KATNIP: variants seen among roughly 807,000 people sequenced by gnomAD.
KATNIP encodes the protein katanin-interacting protein.
KATNIP carries 126 observed loss-of-function variants against 174.0 expected under a neutral mutation model. The ratio of observed to expected loss-of-function variants is 0.72; its 90% CI spans 0.63 to 0.84. The LOEUF (loss-of-function observed/expected upper bound fraction) is 0.84, where lower values mean the gene tolerates loss of function less well. KATNIP is among the 40% of genes least tolerant of loss of function. The pLI is 0.00. For synonymous variants in KATNIP, 810 were observed against 835.7 expected (o/e 0.97, Z 0.53); for missense variants, 1,958 against 2,109.7 (o/e 0.93, Z 1.41).
At chr16:27,612,084 C>T (rs1162095059) in intron 2 of KATNIP, among the ~76,000 whole-genome samples, 4 of 152,076 alleles carry the variant, frequency 2.6e-5, no homozygotes, top group African/African-American at 4.8e-5. Context: ...AGGTGGGACT[C>T]GGATGGTGCT....
intron 14 of KATNIP, among the ~76,000 whole-genome samples, chr16:27,733,754 G>A (rs1393391580): frequency 6.6e-6 from 1 of 152,168 alleles, no homozygotes; most frequent in Non-Finnish European, 1.5e-5. Context: ...AAGCAGGCTG[G>A]TTCTTGAGGA....
At chr16:27,738,122 A>G (rs2080965227) in intron 14 of KATNIP, among the ~76,000 whole-genome samples, 1 of 152,246 alleles carries the variant, frequency 6.6e-6, no homozygotes, top group Admixed American at 6.5e-5. Context: ...ATCAGTTCCC[A>G]TAACACAGGT....
At chr16:27,644,010 A>G (rs1473475929) in intron 5 of KATNIP, among the ~76,000 whole-genome samples, 1 of 142,508 alleles carries the variant, frequency 7.0e-6, no homozygotes, top group Non-Finnish European at 1.5e-5. Flanking sequence ...CATCTTCCAG[A>G]GACATAATCT....
At position 27,638,911 on chromosome 16, in the gene KATNIP, G is replaced by A. The variant is rs116982420; in HGVS notation, c.408+7749G>A. ...TGGTCTTGAACTCCCGGGCTCATGC[G>A]ATCCACCCACCTTGGCCTCCTAAAG... On this transcript the variant is annotated intron_variant, in intron 5 of 27. Coordinates refer to ENST00000261588, the MANE Select transcript of KATNIP (RefSeq NM_015202.5). 2.7e-5 allele frequency among the ~76,000 whole-genome samples: 4 copies of A among 145,630 alleles called. No homozygotes were observed. The East Asian group carries it at 6.1e-4, about 22-fold the overall frequency.
At chr16:27,614,923 C>T (rs955273701) in intron 2 of KATNIP, among the ~76,000 whole-genome samples, 1 of 152,162 alleles carries the variant, frequency 6.6e-6, no homozygotes, top group Non-Finnish European at 1.5e-5. Flanking sequence ...CTGGGCTGCA[C>T]ATCAGGCTCT....
chr16:27,628,326 T>C (rs1257290661), intron 3 of KATNIP, among the ~76,000 whole-genome samples: 1 of 152,262 alleles, frequency 6.6e-6, no homozygotes, highest in Non-Finnish European at 1.5e-5. Context: ...GCCCAGGCTG[T>C]ATGATAGCAG....
chr16:27,731,722 G>C (rs917817310), intron 14 of KATNIP, among the ~76,000 whole-genome samples: 1 of 151,816 alleles, frequency 6.6e-6, no homozygotes, highest in African/African-American at 2.4e-5. Flanking sequence ...GGGTTCAAGC[G>C]ATTCTCCTGC....
intron 8 of KATNIP, among the ~76,000 whole-genome samples, chr16:27,695,279 C>T (rs979119491): frequency 7.2e-5 from 11 of 152,232 alleles, no homozygotes; most frequent in African/African-American, 2.4e-4. Context: ...CAGTGGCTCC[C>T]CATTTCCCGC....
chr16:27,616,979 T>A (rs2076059246), intron 2 of KATNIP, among the ~76,000 whole-genome samples: 1 of 147,744 alleles, frequency 6.8e-6, no homozygotes, highest in Admixed American at 6.8e-5. Flanking sequence ...CTTTGTATAT[T>A]ATAAACAAAG....
At chr16:27,572,458 C>T (rs2090343418) in intron 1 of KATNIP, among the ~76,000 whole-genome samples, 1 of 151,476 alleles carries the variant, frequency 6.6e-6, no homozygotes, top group South Asian at 2.1e-4. Flanking sequence ...TCCGGGAATC[C>T]TGGCCTCTGT....
Position 27,750,012 on chromosome 16 carries a change from A to G in KATNIP, c.3052A>G (p.Ile1018Val). 1.2e-6 allele frequency: 2 copies of G among 1,614,134 alleles called. No homozygotes were observed. The highest frequency in any genetic ancestry group is 1.7e-6 in the Non-Finnish European group (2 of 1,180,012). The change falls in exon 16 of 28, where the codon ATC (isoleucine) becomes GTC (valine). Residue 1018 changes from isoleucine to valine, a missense_variant. Coordinates refer to ENST00000261588, the MANE Select transcript of KATNIP (RefSeq NM_015202.5). ...AAACATAAAAGCAGACCCTCCCGAT[A>G]TCAATATTTTACCAGCCTATGGGAA... Reference protein sequence around the residue: ...ISNIKADPPDINILPAYGKDP... With the variant: ...ISNIKADPPDVNILPAYGKDP...
chr16:27,745,586 G>A (rs145778025), intron 15 of KATNIP, among the ~76,000 whole-genome samples: 44 of 152,314 alleles, frequency 2.9e-4, no homozygotes, highest in African/African-American at 5.5e-4. Context: ...ATGGCTCTGT[G>A]ATATCCCTCT....
At chr16:27,759,381 A>T (rs116724988) in intron 18 of KATNIP, among the ~76,000 whole-genome samples, 199 of 152,324 alleles carry the variant, frequency 1.3e-3, no homozygotes, top group African/African-American at 4.5e-3. Context: ...AGGAAATGAC[A>T]TTGGAACACT....
chr16:27,613,828 A>T (rs562606713), intron 2 of KATNIP, among the ~76,000 whole-genome samples: 7 of 152,292 alleles, frequency 4.6e-5, no homozygotes, highest in Admixed American at 2.0e-4. Flanking sequence ...TGCACTCAGG[A>T]TGAGGCAGGA....
At chr16:27,719,371 C>T (rs572076389) in intron 13 of KATNIP, among the ~76,000 whole-genome samples, 4 of 152,244 alleles carry the variant, frequency 2.6e-5, no homozygotes, top group African/African-American at 9.6e-5. Flanking sequence ...AATCTCCCCC[C>T]TCCACCACCA....
chr16:27,569,821 G>A (rs530969006), intron 1 of KATNIP, among the ~76,000 whole-genome samples: 1 of 152,306 alleles, frequency 6.6e-6, no homozygotes, highest in South Asian at 2.1e-4. Context: ...TGGAAAATAA[G>A]CAAATTATTT....
intron 8 of KATNIP, among the ~76,000 whole-genome samples, chr16:27,695,866 T>C (rs2078895608): frequency 6.6e-6 from 1 of 152,192 alleles, no homozygotes; most frequent in African/African-American, 2.4e-5. Context: ...ATCCATCCAT[T>C]ACCCATCCTT....
At chr16:27,555,997 G>A (rs867831459) in intron 1 of KATNIP, among the ~76,000 whole-genome samples, 6 of 151,874 alleles carry the variant, frequency 4.0e-5, no homozygotes, top group Non-Finnish European at 7.4e-5. Context: ...GTGTGGTGGC[G>A]GGTGCCTGTA....
chr16:27,642,069 G>A (rs944212901), intron 5 of KATNIP, among the ~76,000 whole-genome samples: 1 of 152,222 alleles, frequency 6.6e-6, no homozygotes, highest in African/African-American at 2.4e-5. Context: ...ATGCTCTCCT[G>A]GGAGGTATGG....
Sources: allele counts gnomAD v4.1 joint callset (sites outside exome capture counted in the v4.1 genomes callset), GRCh38; gene constraint gnomAD v4.1.1; transcripts MANE v1.5; gene names NCBI Gene and HGNC (gene_info 2026-07-23, HGNC 2026-07-21).